The following IFT57 variants were observed in gnomAD, a reference collection of about 807,000 sequenced individuals.
The protein encoded by IFT57 is intraflagellar transport protein 57 homolog.
Under a neutral mutation model 56.8 loss-of-function variants are expected in IFT57, and 59 were observed. The observed-to-expected ratio is 1.04, with a 90% CI of 0.84 to 1.29. The LOEUF (loss-of-function observed/expected upper bound fraction) is 1.29, where lower values mean the gene tolerates loss of function less well. IFT57 is among the 50% of genes most tolerant of loss of function. IFT57 has a pLI of 0.00. For synonymous variants in IFT57, 209 were observed against 186.1 expected, an observed-to-expected ratio of 1.12 and a Z score of -1.00; for missense variants, 470 against 522.1, an observed-to-expected ratio of 0.90 and a Z score of 0.97.
chr3:108,185,871 G>T (rs932792774), intron 6 of IFT57, among the ~76,000 whole-genome samples: 1 of 152,094 alleles, frequency 6.6e-6, no homozygotes, highest in Admixed American at 6.6e-5. Context: ...TTCTGGACTG[G>T]TTCCATCGAT....
chr3:108,195,828 G>A (rs960842205), intron 5 of IFT57, among the ~76,000 whole-genome samples: 6 of 152,044 alleles, frequency 3.9e-5, no homozygotes, highest in South Asian at 2.1e-4. Context: ...GAATGGTAGC[G>A]GGGAGGAGGG....
intron 5 of IFT57, among the ~76,000 whole-genome samples, chr3:108,197,295 G>A (rs1257570744): frequency 1.3e-5 from 2 of 152,162 alleles, no homozygotes; most frequent in Admixed American, 6.5e-5. Context: ...GGATTTAAAT[G>A]CTGCCTGCAG....
chr3:108,163,628 G>A, intron 10 of IFT57, 35 bp downstream of exon 10: 1 of 1,439,766 alleles, frequency 6.9e-7, no homozygotes, highest in Non-Finnish European at 9.7e-7. Flanking sequence ...TTTTTCTCTT[G>A]CTCAGTTTTT....
intron 6 of IFT57, among the ~76,000 whole-genome samples, chr3:108,186,928 T>C (rs914340536): frequency 1.3e-5 from 2 of 152,226 alleles, no homozygotes; most frequent in Non-Finnish European, 2.9e-5. Context: ...GCTTATTTTA[T>C]TGTAAGAATA....
chr3:108,213,953 TTTAATG>T lies in IFT57; in HGVS notation c.557_562del (p.Thr186_Leu187del), dbSNP rs1365977850. 10 of 1,608,250 alleles carry T rather than the reference TTTAATG, an allele frequency of 6.2e-6. No individual in the cohort carries two copies. The African/African-American group carries it at 1.2e-4, about 19-fold the overall frequency. Reference sequence around the variant, plus strand: ...TACCACAAATTCTTCATCCACTTTATTTAATGTTAATTCTGCATCATCTTCTGCAAC... The same window carrying T: ...TACCACAAATTCTTCATCCACTTTATTTAATTCTGCATCATCTTCTGCAAC... On this transcript the variant is annotated inframe_deletion, in exon 4 of 11. Transcript: ENST00000264538.
At chr3:108,179,835 T>C (rs2080142808) in intron 6 of IFT57, among the ~76,000 whole-genome samples, 1 of 152,034 alleles carries the variant, frequency 6.6e-6, no homozygotes, top group African/African-American at 2.4e-5. Flanking sequence ...TAAAGTCTTC[T>C]ATGGTACACT....
chr3:108,162,706 G>A (rs1488920013), intron 10 of IFT57, 51 bp from the exon 11 acceptor site: 1 of 1,370,970 alleles, frequency 7.3e-7, no homozygotes, highest in South Asian at 1.6e-5. Context: ...GAGTATCAGT[G>A]TATTACAGAA....
chr3:108,174,078 A>C (rs1226487145), intron 6 of IFT57, among the ~76,000 whole-genome samples: 1 of 139,364 alleles, frequency 7.2e-6, no homozygotes, highest in Non-Finnish European at 1.5e-5. Context: ...GGTACTTTTA[A>C]ATTTCTTCTT....
At chr3:108,169,258 T>TA (rs1229734948) in intron 6 of IFT57, among the ~76,000 whole-genome samples, 1 of 152,100 alleles carries the variant, frequency 6.6e-6, no homozygotes, top group Non-Finnish European at 1.5e-5. Context: ...ATGAGCTTTT[T>TA]ATCATATGTT....
intron 7 of IFT57, among the ~76,000 whole-genome samples, chr3:108,167,588 A>G (rs1241592891): frequency 2.7e-5 from 4 of 149,564 alleles, no homozygotes; most frequent in Admixed American, 6.7e-5. Flanking sequence ...TTATATATAT[A>G]CATATATATA....
rs935528044 is a variant in IFT57 at position 108,172,923 on chromosome 3, A to G, written c.778-5059T>C. 7.2e-5 allele frequency among the ~76,000 whole-genome samples: 11 copies of G among 151,970 alleles called. No homozygotes were observed. In the East Asian group the frequency reaches 2.1e-3, roughly 29 times the overall value. ...AGTGTTGAGCCAGTGATGATTTGTA[A>G]TTACCTGTGAGGCAAATCTGAATAT... On this transcript the variant is annotated intron_variant, in intron 6 of 10. Coordinates refer to ENST00000264538, the MANE Select transcript of IFT57 (RefSeq NM_018010.4).
intron 2 of IFT57, 33 bp from the exon 3 acceptor site, chr3:108,218,686 TGTTA>T: frequency 9.2e-7 from 1 of 1,088,532 alleles, no homozygotes; most frequent in East Asian, 2.6e-5. Flanking sequence ...GGGTATTATT[TGTTA>T]GTTATACTCC....
chr3:108,183,441 G>T (rs2080162696), intron 6 of IFT57, among the ~76,000 whole-genome samples: 1 of 152,004 alleles, frequency 6.6e-6, no homozygotes, highest in African/African-American at 2.4e-5. Context: ...CCCCACTTTT[G>T]TGTGCCACCC....
rs2080038170 is a variant in IFT57, at chr3:108,162,341, CATGAT to C, written c.*131_*135del. ...TAAAGGCTTTAACCATCATAATCAC[CATGAT>C]ATAATATGTGAGTATGTATATGTAA... On this transcript the variant is annotated 3_prime_UTR_variant, in exon 11 of 11. Coordinates refer to ENST00000264538, the MANE Select transcript of IFT57 (RefSeq NM_018010.4). 1 of 575,352 alleles carries C rather than the reference CATGAT, an allele frequency of 1.7e-6. No individual in the cohort carries two copies. Among genetic ancestry groups the C allele is most frequent in the East Asian group, 2.9e-5 (1 of 33,958 alleles). The allele number at this position is 575,352 out of a possible 1,614,324, so 35.6% of individuals were successfully genotyped here. A position where few individuals can be genotyped will look rare whatever the true frequency, so the allele number is the denominator to read the frequency against.
At chr3:108,163,838 A>C in intron 9 of IFT57, 109 bp from the exon 10 acceptor site, 1 of 659,544 alleles carries the variant, frequency 1.5e-6, no homozygotes, top group Non-Finnish European at 2.7e-6. Context: ...CATATAGAAA[A>C]ATAAAGATAT....
In IFT57 at chr3:108,167,872, C is replaced by A. The variant is rs968089463; in HGVS notation, c.778-8G>T. 1.3e-6 allele frequency: 2 copies of A among 1,556,280 alleles called. No individual in the cohort carries two copies. Among genetic ancestry groups the A allele is most frequent in the Non-Finnish European group, 8.7e-7 (1 of 1,150,912 alleles). On this transcript the variant is annotated splice_polypyrimidine_tract_variant and splice_region_variant and intron_variant, in intron 6 of 10. Transcript: ENST00000264538. ...AACATGGATTCTCCAATCCTACAGG[C>A]ATAGAGCACATAGAAATAATGTAAA...
Position 108,198,690 on chromosome 3 carries a change from C to T in IFT57, c.655-7047G>A, listed in dbSNP as rs574301859. Among the ~76,000 whole-genome samples the T allele has an allele frequency of 9.0e-4, 137 of 152,280 alleles. 1 individual carries two copies. Among genetic ancestry groups the T allele is most frequent in the African/African-American group, 3.2e-3 (135 of 41,560 alleles). ...ATTCTGGCCTCAAGTGATCCACCTA[C>T]CATGGCCCTCAAAGTGCTGGGACTA... On this transcript the variant is annotated intron_variant, in intron 5 of 10. Transcript: ENST00000264538.
intron 8 of IFT57, among the ~76,000 whole-genome samples, chr3:108,166,472 T>C (rs1259927020): frequency 4.3e-5 from 2 of 46,296 alleles, no homozygotes; most frequent in African/African-American, 1.6e-4. Context: ...GGACTGTCTT[T>C]TTCCTTTGAC....
chr3:108,180,242 A>G (rs560220913), intron 6 of IFT57, among the ~76,000 whole-genome samples: 1 of 152,052 alleles, frequency 6.6e-6, no homozygotes, highest in East Asian at 1.9e-4. Context: ...GTTGACTCAG[A>G]CCTATTATTT....
Sources: allele counts gnomAD v4.1 joint callset (sites outside exome capture counted in the v4.1 genomes callset), GRCh38; gene constraint gnomAD v4.1.1; transcripts MANE v1.5; gene names NCBI Gene and HGNC (gene_info 2026-07-23, HGNC 2026-07-21).